VPS13B: variants seen among roughly 807,000 people sequenced by gnomAD.
VPS13B encodes intermembrane lipid transfer protein VPS13B.
Under a neutral mutation model 426.4 loss-of-function variants are expected in VPS13B, and 285 were observed. The ratio of observed to expected loss-of-function variants is 0.67; its 90% CI spans 0.61 to 0.74. VPS13B has a LOEUF of 0.74. Ranked by LOEUF, VPS13B falls within the 30% of genes least tolerant of loss-of-function variation. The pLI, the probability that VPS13B is intolerant of heterozygous loss-of-function variation, is 0.00. For synonymous variants in VPS13B, 1,676 were observed against 1,676.4 expected (o/e 1.00, Z 0.01); for missense variants, 4,537 against 4,782.6 (o/e 0.95, Z 1.51).
chr8:99,852,291 T>C (rs1454438006), intron 55 of VPS13B, among the ~76,000 whole-genome samples: 1 of 152,180 alleles, frequency 6.6e-6, no homozygotes, highest in Non-Finnish European at 1.5e-5. Context: ...TACACAAGAT[T>C]GGAGTTCAGT....
At chr8:99,360,188 T>TTCTTTC (rs1812459732) in intron 19 of VPS13B, among the ~76,000 whole-genome samples, 14 of 28,042 alleles carry the variant, frequency 5.0e-4, no homozygotes, top group Middle Eastern at 0.016. Flanking sequence ...CTTTCTTTCT[T>TTCTTTC]TCTCTCTCTC....
At position 99,606,631 on chromosome 8, in the gene VPS13B, T is replaced by C. The variant is rs1437535162; in HGVS notation, c.5220+28998T>C. Among the ~76,000 whole-genome samples, 61 of 144,660 alleles carry C rather than the reference T, an allele frequency of 4.2e-4. 1 individual carries two copies. The highest frequency in any genetic ancestry group is 4.0e-3 in the Admixed American group (58 of 14,562). The allele number at this position is 144,660 out of a possible 152,430, so 94.9% of individuals were successfully genotyped here. On this transcript the variant is annotated intron_variant, in intron 33 of 61. Transcript: ENST00000357162. ...TGTTTTCTTTTTCTTTTTCTTTTCT[T>C]TTTTTTTTTTTTTTTGAGACGGAGT...
Position 99,233,573 on chromosome 8 carries a change from G to A in VPS13B, c.2515+40516G>A. ...AGGCTGGAGAAAGTATCTGGAGTGG[G>A]TATTAACAGCCAGCATATCATTTTC... On this transcript the variant is annotated intron_variant, in intron 17 of 61. Coordinates refer to ENST00000357162, the MANE Select transcript of VPS13B (RefSeq NM_152564.5). The A allele has an allele frequency of 5.9e-6, 7 of 1,180,848 alleles. No homozygotes were observed. The South Asian group carries it at 6.1e-5, about 10-fold the overall frequency. 73.1% of individuals were successfully genotyped at this position (1,180,848 alleles called of 1,614,324 possible).
chr8:99,239,540 AG>A, intron 17 of VPS13B, among the ~76,000 whole-genome samples: 1 of 152,172 alleles, frequency 6.6e-6, no homozygotes, highest in Non-Finnish European at 1.5e-5. Flanking sequence ...TTATCTTTCT[AG>A]TAAACTGTTT....
chr8:99,270,175 G>T (rs116981545), intron 17 of VPS13B, among the ~76,000 whole-genome samples: 1,526 of 51,948 alleles, frequency 0.029, 11 homozygotes, highest in Non-Finnish European at 0.043. Context: ...AGTCTTGCTC[G>T]TTGCCCAGAC....
In VPS13B at chr8:99,558,942, A is replaced by G. The variant is rs372637987; in HGVS notation, c.4949+2289A>G. On this transcript the variant is annotated intron_variant, in intron 31 of 61. Transcript: ENST00000357162. ...ATATACCCAGTAATGGGATGGCTGG[A>G]TCAAATGGTATTTCTAGTTCTAGAT... 9.9e-5 allele frequency among the ~76,000 whole-genome samples: 15 copies of G among 152,098 alleles called. 1 individual carries two copies. Among genetic ancestry groups the G allele is most frequent in the South Asian group, 6.2e-4 (3 of 4,820 alleles).
chr8:99,795,772 A>C (rs1265688100), intron 43 of VPS13B, among the ~76,000 whole-genome samples: 1 of 152,218 alleles, frequency 6.6e-6, no homozygotes, highest in Non-Finnish European at 1.5e-5. Context: ...GCACTCCACT[A>C]CAGGGATCTC....
intron 21 of VPS13B, among the ~76,000 whole-genome samples, chr8:99,425,884 C>T (rs1453801761): frequency 6.6e-6 from 1 of 152,106 alleles, no homozygotes; most frequent in Non-Finnish European, 1.5e-5. Flanking sequence ...GTGCAAAAAT[C>T]ACAAGCATTC....
chr8:99,665,243 A>G (rs1356747276), intron 35 of VPS13B, among the ~76,000 whole-genome samples: 1 of 152,134 alleles, frequency 6.6e-6, no homozygotes, highest in African/African-American at 2.4e-5. Context: ...AGTAGGTTGC[A>G]AAAATTTTCT....
chr8:99,836,844 A>G (rs1012790137), intron 54 of VPS13B, among the ~76,000 whole-genome samples: 2 of 152,336 alleles, frequency 1.3e-5, no homozygotes, highest in African/African-American at 2.4e-5. Flanking sequence ...AACCTTGACA[A>G]CAGCCATACA....
chr8:99,204,111 C>T (rs1448486605), intron 17 of VPS13B, among the ~76,000 whole-genome samples: 1 of 152,112 alleles, frequency 6.6e-6, no homozygotes, highest in Admixed American at 6.5e-5. Flanking sequence ...TTCAAATATG[C>T]TACAAGGTTA....
intron 19 of VPS13B, among the ~76,000 whole-genome samples, chr8:99,374,336 T>C (rs1035875447): frequency 6.6e-6 from 1 of 152,168 alleles, no homozygotes; most frequent in African/African-American, 2.4e-5. Flanking sequence ...ACCTCTGATA[T>C]TATATTTTTA....
chr8:99,367,883 A>G lies in VPS13B; in HGVS notation c.2825-16325A>G, dbSNP rs555705708. On this transcript the variant is annotated intron_variant, in intron 19 of 61. Transcript: ENST00000357162. ...TGGCCAGGCTGGTTTCGAGCTCCTG[A>G]CCTCAGGTGATACACCCACCTTGGC... is the stretch of plus-strand genomic sequence containing the variant. 1.1e-3 allele frequency among the ~76,000 whole-genome samples: 171 copies of G among 152,110 alleles called. 2 individuals are homozygous for G. In the Middle Eastern group the frequency reaches 0.014, roughly 12 times the overall value.
At chr8:99,741,411 T>A (rs1437662345) in intron 39 of VPS13B, among the ~76,000 whole-genome samples, 2 of 152,144 alleles carry the variant, frequency 1.3e-5, no homozygotes, top group African/African-American at 2.4e-5. Context: ...ATTAGACAGA[T>A]CAACCAGACA....
chr8:99,359,045 C>A (rs1466982191), intron 19 of VPS13B, among the ~76,000 whole-genome samples: 2 of 152,056 alleles, frequency 1.3e-5, no homozygotes, highest in African/African-American at 2.4e-5. Flanking sequence ...ACAACTTTTT[C>A]TCTAAATTAC....
chr8:99,849,782 TAAATGTTACAACTGCA>T (rs1184299708), intron 55 of VPS13B, among the ~76,000 whole-genome samples: 2 of 152,162 alleles, frequency 1.3e-5, no homozygotes, highest in Non-Finnish European at 2.9e-5. Context: ...AATTGTACTA[TAAATGTTACAACTGCA>T]AAAAGTAGAT....
chr8:99,560,046 A>C (rs1393407519), intron 31 of VPS13B, among the ~76,000 whole-genome samples: 1 of 152,192 alleles, frequency 6.6e-6, no homozygotes, highest in Non-Finnish European at 1.5e-5. Flanking sequence ...TGAGCATGGA[A>C]TATTCTTCCA....
intron 19 of VPS13B, among the ~76,000 whole-genome samples, chr8:99,361,004 T>C (rs947111056): frequency 8.5e-5 from 13 of 152,190 alleles, no homozygotes; most frequent in Non-Finnish European, 8.8e-5. Context: ...GCAGTACTGC[T>C]TATGCCCACA....
chr8:99,682,263 G>A (rs999415895), intron 35 of VPS13B, among the ~76,000 whole-genome samples: 2 of 152,094 alleles, frequency 1.3e-5, no homozygotes, highest in Non-Finnish European at 2.9e-5. Flanking sequence ...CCAGGAGTTT[G>A]AGACCAACCT....
Sources: gnomAD v4.1 joint callset for allele counts (sites outside exome capture counted in the v4.1 genomes callset) on GRCh38, gnomAD v4.1.1 for gene constraint, MANE v1.5 for transcripts, NCBI Gene and HGNC (gene_info 2026-07-23, HGNC 2026-07-21) for gene names.